Variants in MAJIN observed in about 807,000 individuals in gnomAD.
The protein encoded by MAJIN is membrane anchored junction protein, also known as membrane-anchored junction protein.
MAJIN carries 27 observed loss-of-function variants against 30.2 expected under a neutral mutation model. The ratio of observed to expected loss-of-function variants is 0.89; its 90% CI spans 0.66 to 1.23. MAJIN has a LOEUF of 1.23. MAJIN is among the 50% of genes most tolerant of loss of function. The pLI is 0.00. For missense variants in MAJIN, 253 were observed against 260.3 expected, an observed-to-expected ratio of 0.97 and a Z score of 0.19; for synonymous variants, 78 against 91.6, an observed-to-expected ratio of 0.85 and a Z score of 0.85.
chr11:64,957,987 G>T (rs1945662657), intron 3 of MAJIN, among the ~76,000 whole-genome samples: 1 of 150,774 alleles, frequency 6.6e-6, no homozygotes, highest in Admixed American at 6.6e-5. Flanking sequence ...TGTTGCTTGG[G>T]CTGGAGTGCA....
chr11:64,967,801 C>T (rs78254091), intron 1 of MAJIN, among the ~76,000 whole-genome samples: 3 of 152,014 alleles, frequency 2.0e-5, no homozygotes, highest in South Asian at 2.1e-4. Flanking sequence ...CATGATCCCT[C>T]GTCTTTAAGG....
At chr11:64,953,839 G>C (rs1013552260) in intron 4 of MAJIN, among the ~76,000 whole-genome samples, 2 of 151,996 alleles carry the variant, frequency 1.3e-5, no homozygotes, top group African/African-American at 4.8e-5. Flanking sequence ...CATTTTCTTG[G>C]TCCTATGTTA....
intron 1 of MAJIN, among the ~76,000 whole-genome samples, chr11:64,964,886 TA>T (rs770595989): frequency 3.9e-5 from 6 of 152,258 alleles, no homozygotes; most frequent in Non-Finnish European, 8.8e-5. Context: ...GCACCCGGCC[TA>T]ATGTAAGCTT....
At position 64,939,774 on chromosome 11, in the gene MAJIN, G is replaced by A; in HGVS notation, c.547-7C>T. On this transcript the variant is annotated splice_region_variant and splice_polypyrimidine_tract_variant and intron_variant, in intron 9 of 10. Coordinates refer to ENST00000301896, the MANE Select transcript of MAJIN (RefSeq NM_001037225.3). ...CTGTGTCCCCACTCAGAATCTGTAAGGAAAACAATCAGGCAGGAGCAAGAT... is the reference window on the plus strand; with the variant it reads ...CTGTGTCCCCACTCAGAATCTGTAAAGAAAACAATCAGGCAGGAGCAAGAT... 1 of 1,612,686 alleles carries A rather than the reference G, an allele frequency of 6.2e-7. No homozygotes were observed. The highest frequency in any genetic ancestry group is 2.2e-5 in the East Asian group (1 of 44,846).
chr11:64,967,942 TA>T (rs765319395), intron 1 of MAJIN, among the ~76,000 whole-genome samples: 1 of 152,196 alleles, frequency 6.6e-6, no homozygotes, highest in Non-Finnish European at 1.5e-5. Flanking sequence ...AAGGCTGCTT[TA>T]GCTAGTATGG....
chr11:64,964,651 A>C (rs1314102938), intron 1 of MAJIN, among the ~76,000 whole-genome samples: 1 of 150,660 alleles, frequency 6.6e-6, no homozygotes, highest in African/African-American at 2.5e-5. Flanking sequence ...CTGCAGTATG[A>C]TGTCGGCTCA....
At chr11:64,955,655 T>G (rs1023005762) in intron 3 of MAJIN, among the ~76,000 whole-genome samples, 1 of 152,168 alleles carries the variant, frequency 6.6e-6, no homozygotes, top group African/African-American at 2.4e-5. Context: ...AACAATAAAT[T>G]TTGGGCTTTC....
At chr11:64,965,441 TTC>T (rs1036701017) in intron 1 of MAJIN, among the ~76,000 whole-genome samples, 3 of 152,174 alleles carry the variant, frequency 2.0e-5, no homozygotes, top group African/African-American at 7.2e-5. Context: ...TTAACTTAGT[TTC>T]TCTTTGTTAC....
chr11:64,942,535 G>A lies in MAJIN; in HGVS notation c.474-1889C>T, dbSNP rs141860607. Among the ~76,000 whole-genome samples, 213 of 152,266 alleles carry A rather than the reference G, an allele frequency of 1.4e-3. 1 individual carries two copies. The highest frequency in any genetic ancestry group is 0.013 in the East Asian group (70 of 5,186). ...GCGAAGAGTTCTACAGCAAGGGGCTGCAGACTATAAAGGTAGGTTCTGGGA... is the reference window on the plus strand; with the variant it reads ...GCGAAGAGTTCTACAGCAAGGGGCTACAGACTATAAAGGTAGGTTCTGGGA... On this transcript the variant is annotated intron_variant, in intron 8 of 10. Coordinates refer to ENST00000301896, the MANE Select transcript of MAJIN (RefSeq NM_001037225.3).
intron 1 of MAJIN, among the ~76,000 whole-genome samples, chr11:64,971,185 T>C (rs1945896100): frequency 6.6e-6 from 1 of 152,032 alleles, no homozygotes; most frequent in Non-Finnish European, 1.5e-5. Context: ...CCCAGCACTC[T>C]GGGAGGCAGA....
chr11:64,964,124 A>G (rs1308415875), intron 1 of MAJIN, among the ~76,000 whole-genome samples: 1 of 151,908 alleles, frequency 6.6e-6, no homozygotes, highest in African/African-American at 2.4e-5. Context: ...ATTTTTTTTT[A>G]GTAGAGACAG....
chr11:64,962,579 C>G (rs866200328), intron 1 of MAJIN, among the ~76,000 whole-genome samples: 6 of 152,134 alleles, frequency 3.9e-5, no homozygotes, highest in Non-Finnish European at 5.9e-5. Context: ...GTGCAAAAGA[C>G]ATAAGATTTG....
intron 6 of MAJIN, among the ~76,000 whole-genome samples, 170 bp downstream of exon 6, chr11:64,949,573 A>G (rs1380987678): frequency 6.6e-6 from 1 of 152,252 alleles, no homozygotes; most frequent in African/African-American, 2.4e-5. Flanking sequence ...CACAGCCATT[A>G]AGTGGCAGGA....
intron 8 of MAJIN, among the ~76,000 whole-genome samples, chr11:64,940,932 C>G (rs557002923): frequency 1.4e-5 from 2 of 145,918 alleles, no homozygotes; most frequent in East Asian, 4.3e-4. Flanking sequence ...TCTGCCTCTC[C>G]GGTTCACGCC....
chr11:64,949,876 A>G lies in MAJIN; in HGVS notation c.224-8T>C, dbSNP rs771930121. ...TCTCCCATTTGCTTTTATCTGGAAA[A>G]TGGTGCTAAGGAGTAAGGAAAGATG... On this transcript the variant is annotated splice_region_variant and splice_polypyrimidine_tract_variant and intron_variant, in intron 5 of 10. Coordinates refer to ENST00000301896, the MANE Select transcript of MAJIN (RefSeq NM_001037225.3). 1 of 1,601,832 alleles carries G rather than the reference A, an allele frequency of 6.2e-7. No individual in the cohort carries two copies. Among genetic ancestry groups the G allele is most frequent in the Non-Finnish European group, 8.5e-7 (1 of 1,179,790 alleles).
chr11:64,952,742 T>C (rs1222565426), intron 4 of MAJIN, among the ~76,000 whole-genome samples: 2 of 152,110 alleles, frequency 1.3e-5, no homozygotes, highest in Non-Finnish European at 2.9e-5. Context: ...TCTCACTCTG[T>C]TGCCCAGGCT....
chr11:64,967,007 G>A (rs911521786), intron 1 of MAJIN, among the ~76,000 whole-genome samples: 1 of 151,900 alleles, frequency 6.6e-6, no homozygotes, highest in Non-Finnish European at 1.5e-5. Context: ...CAGGTGTTGT[G>A]GCTCATGCCT....
intron 8 of MAJIN, among the ~76,000 whole-genome samples, chr11:64,940,963 T>C (rs1031445800): frequency 1.3e-5 from 2 of 148,812 alleles, no homozygotes; most frequent in Admixed American, 1.4e-4. Context: ...CTCAGCCTCC[T>C]GAGTAGCTGG....
intron 4 of MAJIN, among the ~76,000 whole-genome samples, chr11:64,953,634 T>C (rs1450738469): frequency 6.6e-6 from 1 of 151,988 alleles, no homozygotes; most frequent in Non-Finnish European, 1.5e-5. Context: ...CTACTAAAAA[T>C]ACAAAAATTA....
Sources: allele counts gnomAD v4.1 joint callset (sites outside exome capture counted in the v4.1 genomes callset), GRCh38; gene constraint gnomAD v4.1.1; transcripts MANE v1.5; gene names NCBI Gene and HGNC (gene_info 2026-07-23, HGNC 2026-07-21).